Variants in CTTNBP2NL observed in about 807,000 individuals in gnomAD.
CTTNBP2NL encodes CTTNBP2 N-terminal-like protein.
Under a neutral mutation model 32.5 loss-of-function variants are expected in CTTNBP2NL, and 16 were observed. That is an observed-to-expected ratio of 0.49 (90% CI 0.33 to 0.75). The LOEUF (loss-of-function observed/expected upper bound fraction) is 0.75. CTTNBP2NL is among the 30% of genes least tolerant of loss of function. The pLI is 0.02. For synonymous variants in CTTNBP2NL, 298 were observed against 289.4 expected (o/e 1.03, Z -0.30); for missense variants, 645 against 756.0 (o/e 0.85, Z 1.72).
At chr1:112,437,320 A>C (rs931673324) in intron 3 of CTTNBP2NL, among the ~76,000 whole-genome samples, 4 of 152,222 alleles carry the variant, frequency 2.6e-5, no homozygotes, top group Non-Finnish European at 5.9e-5. Context: ...AATAATAGCC[A>C]TTCTGACTGG....
At chr1:112,432,291 G>T (rs529462809) in intron 3 of CTTNBP2NL, among the ~76,000 whole-genome samples, 1 of 152,038 alleles carries the variant, frequency 6.6e-6, no homozygotes, top group East Asian at 1.9e-4. Flanking sequence ...TCGATCTCCT[G>T]ACTTCATGAT....
At chr1:112,398,049 G>T (rs1041007273) in intron 1 of CTTNBP2NL, among the ~76,000 whole-genome samples, 4 of 152,174 alleles carry the variant, frequency 2.6e-5, no homozygotes, top group Non-Finnish European at 4.4e-5. Flanking sequence ...TGCAATAGAA[G>T]GGTAAGACGT....
chr1:112,434,805 T>C lies in CTTNBP2NL; in HGVS notation c.100-14137T>C, dbSNP rs115991921. ...TGAACTGTTCCCTTGTTTGGAATAC[T>C]GTTTTCCTTTCCTTCTTCTTCACAC... On this transcript the variant is annotated intron_variant, in intron 3 of 5. Transcript: ENST00000271277. 2.3e-3 allele frequency among the ~76,000 whole-genome samples: 357 copies of C among 152,278 alleles called. 2 individuals are homozygous for C. Among genetic ancestry groups the C allele is most frequent in the African/African-American group, 8.1e-3 (335 of 41,572 alleles).
chr1:112,407,794 T>A (rs1648711953), intron 1 of CTTNBP2NL, among the ~76,000 whole-genome samples: 2 of 152,022 alleles, frequency 1.3e-5, no homozygotes, highest in African/African-American at 4.8e-5. Context: ...TACCTTGATT[T>A]TAGAACTTTT....
At chr1:112,448,338 A>C (rs1209637845) in intron 3 of CTTNBP2NL, among the ~76,000 whole-genome samples, 1 of 152,238 alleles carries the variant, frequency 6.6e-6, no homozygotes, top group Non-Finnish European at 1.5e-5. Flanking sequence ...TACAGGTCAC[A>C]AGTAGTCCTA....
At chr1:112,435,727 G>A (rs1431107170) in intron 3 of CTTNBP2NL, among the ~76,000 whole-genome samples, 1 of 151,982 alleles carries the variant, frequency 6.6e-6, no homozygotes, top group African/African-American at 2.4e-5. Context: ...TCACTATTTT[G>A]TATTCATCTA....
chr1:112,416,079 C>A, intron 2 of CTTNBP2NL, 78 bp from the exon 3 acceptor site: 1 of 775,914 alleles, frequency 1.3e-6, no homozygotes, highest in Non-Finnish European at 2.2e-6. Flanking sequence ...TTGCTCTTAT[C>A]TCTCACTTTA....
intron 3 of CTTNBP2NL, among the ~76,000 whole-genome samples, chr1:112,446,053 A>T (rs1446623584): frequency 1.3e-5 from 2 of 152,202 alleles, no homozygotes; most frequent in Non-Finnish European, 2.9e-5. Flanking sequence ...TTCCTTTACC[A>T]TCACTAACCA....
At chr1:112,448,385 T>C (rs552550411) in intron 3 of CTTNBP2NL, among the ~76,000 whole-genome samples, 1 of 152,358 alleles carries the variant, frequency 6.6e-6, no homozygotes, top group Non-Finnish European at 1.5e-5. Context: ...TTGCACACTT[T>C]ATATATCTGC....
chr1:112,411,515 A>G (rs908607558), intron 1 of CTTNBP2NL, among the ~76,000 whole-genome samples: 2 of 152,134 alleles, frequency 1.3e-5, no homozygotes, highest in African/African-American at 4.8e-5. Flanking sequence ...TTTGTCTACA[A>G]GTGGTTTTTA....
At chr1:112,439,621 C>T (rs768718473) in intron 3 of CTTNBP2NL, among the ~76,000 whole-genome samples, 1 of 152,020 alleles carries the variant, frequency 6.6e-6, no homozygotes, top group Non-Finnish European at 1.5e-5. Context: ...GTGAAAGAGC[C>T]CAGCACATCT....
At chr1:112,405,134 CAT>C (rs1648621967) in intron 1 of CTTNBP2NL, among the ~76,000 whole-genome samples, 1 of 152,136 alleles carries the variant, frequency 6.6e-6, no homozygotes, top group Admixed American at 6.5e-5. Flanking sequence ...TGTTAAAAGA[CAT>C]ATCTTTTTTA....
Position 112,459,231 on chromosome 1 carries a change from T to A in CTTNBP2NL, c.*1819T>A, listed in dbSNP as rs1277880073. On this transcript the variant is annotated 3_prime_UTR_variant, in exon 6 of 6. Transcript: ENST00000271277. ...TAGCAAGTCTATGCGGACAAAAGCCTCCAAACTTTCCAACTGTGTAGGCCA... is the reference window on the plus strand; with the variant it reads ...TAGCAAGTCTATGCGGACAAAAGCCACCAAACTTTCCAACTGTGTAGGCCA... 6.6e-6 allele frequency: 1 copy of A among 152,176 alleles called. No individual in the cohort carries two copies. The highest frequency in any genetic ancestry group is 1.5e-5 in the Non-Finnish European group (1 of 68,036). The allele number at this position is 152,176 out of a possible 1,614,324, so 9.4% of individuals were successfully genotyped here.
chr1:112,413,290 C>T (rs991577874), intron 2 of CTTNBP2NL, among the ~76,000 whole-genome samples: 1 of 152,144 alleles, frequency 6.6e-6, no homozygotes, highest in Non-Finnish European at 1.5e-5. Flanking sequence ...AAGGACTTCC[C>T]AATTGCAAAA....
chr1:112,448,202 TAAC>T (rs959877165), intron 3 of CTTNBP2NL, among the ~76,000 whole-genome samples: 3 of 152,116 alleles, frequency 2.0e-5, no homozygotes, highest in Non-Finnish European at 4.4e-5. Flanking sequence ...GAATGGAAAG[TAAC>T]AACCAGAGAC....
At chr1:112,447,498 A>G (rs1197240228) in intron 3 of CTTNBP2NL, among the ~76,000 whole-genome samples, 5 of 152,192 alleles carry the variant, frequency 3.3e-5, no homozygotes, top group African/African-American at 1.2e-4. Context: ...TCAAGCCAGA[A>G]GTAAAACCCA....
At chr1:112,445,237 A>G (rs925909683) in intron 3 of CTTNBP2NL, among the ~76,000 whole-genome samples, 12 of 152,108 alleles carry the variant, frequency 7.9e-5, no homozygotes, top group African/African-American at 2.9e-4. Flanking sequence ...AGCCCCTCCC[A>G]GATTCCTGAC....
chr1:112,442,194 C>T (rs1464678818), intron 3 of CTTNBP2NL, among the ~76,000 whole-genome samples: 6 of 152,146 alleles, frequency 3.9e-5, no homozygotes, highest in Admixed American at 2.0e-4. Context: ...GGCGCGATCT[C>T]GGCTCACTGC....
chr1:112,456,561 C>A lies in CTTNBP2NL; in HGVS notation c.1069C>A (p.Gln357Lys). The part of the protein sequence containing the change: ...KTNGHCDPEI[Q>K]TTRELTAGNN... ...CAATGGCCATTGTGACCCAGAGATA[C>A]AAACTACCAGGGAGCTGACTGCAGG... The change falls in exon 6 of 6, where the codon CAA becomes AAA. Residue 357 changes from glutamine (Q) to lysine (K), a missense_variant. By Grantham distance (53) the Gln-to-Lys change is moderately conservative (BLOSUM62 1). Transcript: ENST00000271277. 1 of 1,614,170 alleles carries A rather than the reference C, an allele frequency of 6.2e-7. No homozygotes were observed. Among genetic ancestry groups the A allele is most frequent in the South Asian group, 1.1e-5 (1 of 91,076 alleles).
Sources: gnomAD v4.1 joint callset for allele counts (sites outside exome capture counted in the v4.1 genomes callset) on GRCh38, gnomAD v4.1.1 for gene constraint, MANE v1.5 for transcripts, NCBI Gene and HGNC (gene_info 2026-07-23, HGNC 2026-07-21) for gene names.